Variants in TM7SF2 observed in about 807,000 individuals in gnomAD.
TM7SF2 encodes the protein transmembrane 7 superfamily member 2.
A neutral mutation model predicts 51.0 loss-of-function variants in TM7SF2; 51 were observed. That is an observed-to-expected ratio of 1.00 (90% CI 0.80 to 1.26). TM7SF2 has a LOEUF of 1.26. Among genes scored for constraint, TM7SF2 ranks in the 50% most tolerant of loss-of-function variants. TM7SF2 has a pLI of 0.00. For synonymous variants in TM7SF2, 255 were observed against 241.0 expected, an observed-to-expected ratio of 1.06 and a Z score of -0.54; for missense variants, 541 against 547.4, an observed-to-expected ratio of 0.99 and a Z score of 0.12.
rs776795728 is a variant in TM7SF2 at position 65,115,949 on chromosome 11, C to T, written c.1153C>T (p.His385Tyr). 1.9e-6 allele frequency: 3 copies of T among 1,613,890 alleles called. No homozygotes were observed. The East Asian group carries it at 6.7e-5, about 36-fold the overall frequency. ...CCTCTACTTCACCGCGCTGCTGGTG[C>T]ACCGTGAGGCCCGGGATGAGCGGCA... Reference protein sequence around the residue: ...YLLYFTALLVHREARDERQCL... With the variant: ...YLLYFTALLVYREARDERQCL... Residue 385 changes from histidine (H) to tyrosine (Y), a missense_variant, in exon 10 of 10, where the codon CAC (histidine) becomes TAC (tyrosine). Coordinates refer to ENST00000279263, the MANE Select transcript of TM7SF2 (RefSeq NM_003273.6).
At chr11:65,112,895 G>A in intron 3 of TM7SF2, 30 bp downstream of exon 3, 1 of 1,540,526 alleles carries the variant, frequency 6.5e-7, no homozygotes, top group South Asian at 1.2e-5. Context: ...TCGCGCTGGA[G>A]TTAAGCGGCC....
chr11:65,114,361 C>T (rs1012093432), intron 5 of TM7SF2, among the ~76,000 whole-genome samples: 4 of 152,188 alleles, frequency 2.6e-5, no homozygotes, highest in Non-Finnish European at 4.4e-5. Flanking sequence ...GCTTCAAACA[C>T]GATGATGCCA....
In TM7SF2 at chr11:65,113,113, C is replaced by T. The variant is rs574886615; in HGVS notation, c.305-107C>T. The T allele has an allele frequency of 9.4e-6, 12 of 1,281,460 alleles. No individual in the cohort carries two copies. In the South Asian group the frequency reaches 1.5e-4, roughly 16 times the overall value. The allele number at this position is 1,281,460 out of a possible 1,614,324, so 79.4% of individuals were successfully genotyped here. A position where few individuals can be genotyped will look rare whatever the true frequency, so the allele number is the denominator to read the frequency against. On this transcript the variant is annotated intron_variant, in intron 3 of 9. Coordinates refer to ENST00000279263, the MANE Select transcript of TM7SF2 (RefSeq NM_003273.6). ...TGAAGGCCAGGGTGGCAGCCTAATGCTTGGGGCAGGGTCTGTGGCCCCCCT... is the reference window on the plus strand; with the variant it reads ...TGAAGGCCAGGGTGGCAGCCTAATGTTTGGGGCAGGGTCTGTGGCCCCCCT...
intron 5 of TM7SF2, among the ~76,000 whole-genome samples, chr11:65,114,340 C>T (rs536392493): frequency 3.9e-5 from 6 of 152,298 alleles, no homozygotes; most frequent in South Asian, 2.1e-4. Context: ...TTGCCAGGGA[C>T]GCTATGGAGG....
chr11:65,113,699 A>G, intron 5 of TM7SF2, 105 bp downstream of exon 5: 1 of 947,212 alleles, frequency 1.1e-6, no homozygotes, highest in Non-Finnish European at 1.7e-6. Context: ...GCGAGTCATT[A>G]ACCATTCATA....
intron 7 of TM7SF2, 102 bp from the exon 8 acceptor site, chr11:65,115,212 T>A: frequency 6.3e-7 from 1 of 1,589,928 alleles, no homozygotes; most frequent in Admixed American, 1.7e-5. Flanking sequence ...GTCCTGGGGG[T>A]CCAGGCAGAG....
intron 3 of TM7SF2, 123 bp downstream of exon 3, chr11:65,112,988 C>A: frequency 7.9e-7 from 1 of 1,260,962 alleles, no homozygotes; most frequent in Non-Finnish European, 1.1e-6. Context: ...CTGTTACGCC[C>A]AGGACAGACG....
At position 65,113,256 on chromosome 11, in the gene TM7SF2, G is replaced by C. The variant is rs749102887; in HGVS notation, c.341G>C (p.Gly114Ala). The C allele has an allele frequency of 2.5e-6, 4 of 1,606,314 alleles. No homozygotes were observed. Among genetic ancestry groups the C allele is most frequent in the Non-Finnish European group, 2.5e-6 (3 of 1,179,860 alleles). Residue 114 changes from glycine (G) to alanine (A), a missense_variant, in exon 4 of 10, where the codon GGG (glycine) becomes GCG (alanine). Coordinates refer to ENST00000279263, the MANE Select transcript of TM7SF2 (RefSeq NM_003273.6). ...QALVLTALLV[G>A]LGMSAGLPLG... ...CTGGTGCTGACAGCCCTGTTGGTGG[G>C]GCTGGGGATGTCAGCGGGGCTGCCT... is the stretch of plus-strand genomic sequence containing the variant.
intron 5 of TM7SF2, among the ~76,000 whole-genome samples, chr11:65,113,998 C>A (rs1179391534): frequency 1.3e-5 from 2 of 152,166 alleles, no homozygotes; most frequent in Admixed American, 1.3e-4. Context: ...CTACCCGTCA[C>A]TAGTGGCCTT....
At position 65,111,939 on chromosome 11, in the gene TM7SF2, C is replaced by T; in HGVS notation, c.-77C>T. On this transcript the variant is annotated 5_prime_UTR_variant, in exon 1 of 10. Transcript: ENST00000279263. ...GGATCCTCCGCGCGGCCGAGTCCAT[C>T]TCCTGGGAAATGGGGCGGACAGTGT... is the stretch of plus-strand genomic sequence containing the variant. The T allele has an allele frequency of 6.7e-7, 1 of 1,481,918 alleles. No individual in the cohort carries two copies. The highest frequency in any genetic ancestry group is 9.2e-7 in the Non-Finnish European group (1 of 1,084,170). 91.8% of individuals were successfully genotyped at this position (1,481,918 alleles called of 1,614,324 possible). A position where few individuals can be genotyped will look rare whatever the true frequency, so the allele number is the denominator to read the frequency against.
Position 65,115,345 on chromosome 11 carries a change from T to A in TM7SF2, c.924T>A (p.Asn308Lys), listed in dbSNP as rs752875093. 6 of 1,614,186 alleles carry A rather than the reference T, an allele frequency of 3.7e-6. No homozygotes were observed. The highest frequency in any genetic ancestry group is 5.1e-6 in the Non-Finnish European group (6 of 1,180,024). Reference sequence around the variant, plus strand: ...GTTACTACATCTTCCGTGGGGCGAATTCCCAGAAAAACACTTTCCGAAAGA... The same window carrying A: ...GTTACTACATCTTCCGTGGGGCGAAATCCCAGAAAAACACTTTCCGAAAGA... ...ATGYYIFRGA[N>K]SQKNTFRKNP... is the part of the protein sequence containing the mutation. The change falls in exon 8 of 10, where the codon AAT becomes AAA. Residue 308 changes from asparagine (N) to lysine (K), a missense_variant. Transcript: ENST00000279263.
At position 65,116,126 on chromosome 11, in the gene TM7SF2, C is replaced by A; in HGVS notation, c.*73C>A. ...GCACACCCAGGACCAGGAGCCTCGA[C>A]ACACTTGGGACTCAAGGGCTTGCAC... On this transcript the variant is annotated 3_prime_UTR_variant, in exon 10 of 10. Transcript: ENST00000279263. 1 of 1,539,140 alleles carries A rather than the reference C, an allele frequency of 6.5e-7. No homozygotes were observed. Among genetic ancestry groups the A allele is most frequent in the Non-Finnish European group, 8.8e-7 (1 of 1,142,216 alleles).
In TM7SF2 at chr11:65,112,009, G is replaced by C; in HGVS notation, c.-7G>C. 7 of 1,583,724 alleles carry C rather than the reference G, an allele frequency of 4.4e-6. No homozygotes were observed. The highest frequency in any genetic ancestry group is 6.0e-6 in the Non-Finnish European group (7 of 1,165,916). ...GAGCGCCCTCTCTCTCCGGCGGAGC[G>C]GAGACCATGGCCCCCACTCAGGGCC... On this transcript the variant is annotated 5_prime_UTR_variant, in exon 1 of 10. Transcript: ENST00000279263.
chr11:65,112,215 T>C (rs1158062345), intron 1 of TM7SF2, 148 bp downstream of exon 1: 2 of 818,726 alleles, frequency 2.4e-6, no homozygotes, highest in East Asian at 5.5e-5. Flanking sequence ...GCGAAGGGTG[T>C]CTGGAGAGGG....
intron 1 of TM7SF2, 132 bp downstream of exon 1, chr11:65,112,199 T>G (rs1947914121): frequency 3.2e-6 from 3 of 938,916 alleles, no homozygotes; most frequent in African/African-American, 3.4e-5. Flanking sequence ...GACCCGGGGG[T>G]TTGCAGCGAA....
At chr11:65,112,238 G>A (rs1947914739) in intron 1 of TM7SF2, 171 bp downstream of exon 1, 2 of 727,248 alleles carry the variant, frequency 2.8e-6, no homozygotes, top group East Asian at 5.7e-5. Flanking sequence ...AGCTGAGGAG[G>A]GGCCGGTTCT....
At chr11:65,113,872 A>C (rs1430014358) in intron 5 of TM7SF2, 1 of 475,656 alleles carries the variant, frequency 2.1e-6, no homozygotes, top group African/African-American at 2.0e-5. Flanking sequence ...ACGTTAGGAG[A>C]GCACGTGCAA....
rs552643733 is a variant in TM7SF2, at chr11:65,112,726, C to T, written c.249+15C>T. ...CGGCGCGCAAGGTGCGGGCCCCGCTCGCGGACGCTCGGGGGAGGGAAGCGA... is the reference window on the plus strand; with the variant it reads ...CGGCGCGCAAGGTGCGGGCCCCGCTTGCGGACGCTCGGGGGAGGGAAGCGA... On this transcript the variant is annotated intron_variant, in intron 2 of 9. Coordinates refer to ENST00000279263, the MANE Select transcript of TM7SF2 (RefSeq NM_003273.6). 8.4e-6 allele frequency: 13 copies of T among 1,548,068 alleles called. No individual in the cohort carries two copies. The African/African-American group carries it at 1.6e-4, about 20-fold the overall frequency.
At chr11:65,114,557 G>C in intron 5 of TM7SF2, 156 bp from the exon 6 acceptor site, 2 of 887,392 alleles carry the variant, frequency 2.3e-6, no homozygotes, top group Non-Finnish European at 3.4e-6. Flanking sequence ...CAGGCTGCGG[G>C]CACCTCCCTG....
Sources: gnomAD v4.1 joint callset for allele counts (sites outside exome capture counted in the v4.1 genomes callset) on GRCh38, gnomAD v4.1.1 for gene constraint, MANE v1.5 for transcripts, NCBI Gene and HGNC (gene_info 2026-07-23, HGNC 2026-07-21) for gene names.